The following RNGTT variants were observed in gnomAD, a reference collection of about 807,000 sequenced individuals.
RNGTT encodes the protein mRNA-capping enzyme.
A neutral mutation model predicts 79.3 loss-of-function variants in RNGTT; 33 were observed. The ratio of observed to expected loss-of-function variants is 0.42; its 90% confidence interval spans 0.32 to 0.56. The LOEUF (loss-of-function observed/expected upper bound fraction) is 0.56. RNGTT is among the 20% of genes least tolerant of loss of function. RNGTT has a pLI of 0.17. For synonymous variants in RNGTT, 222 were observed against 235.9 expected (o/e 0.94, Z 0.54); for missense variants, 497 against 739.1 (o/e 0.67, Z 3.80).
At chr6:88,859,161 A>G (rs938163349) in intron 8 of RNGTT, among the ~76,000 whole-genome samples, 2 of 151,734 alleles carry the variant, frequency 1.3e-5, no homozygotes, top group Admixed American at 1.3e-4. Flanking sequence ...TCAGTCTGAA[A>G]ATCTGTTTAA....
In RNGTT at chr6:88,844,444, T is replaced by A; in HGVS notation, c.1182A>T (p.Glu394Asp). 6.2e-7 allele frequency: 1 copy of A among 1,614,106 alleles called. No individual in the cohort carries two copies. The highest frequency in any genetic ancestry group is 8.5e-7 in the Non-Finnish European group (1 of 1,179,964). ...IEREIISPRHEKMKTGLIDKT... is the reference protein window; with the variant it reads ...IEREIISPRHDKMKTGLIDKT... ...TGTCAATGAGCCCAGTCTTCATTTT[T>A]TCGTGTCGAGGACTTATAATTTCTC... The change falls in exon 11 of 16, where the codon GAA (glutamate) becomes GAT (aspartate). Residue 394 changes from glutamate (E) to aspartate (D), a missense_variant. Coordinates refer to ENST00000369485, the MANE Select transcript of RNGTT (RefSeq NM_003800.5).
At chr6:88,781,568 G>T (rs1779065925) in intron 12 of RNGTT, among the ~76,000 whole-genome samples, 1 of 150,918 alleles carries the variant, frequency 6.6e-6, no homozygotes, top group Admixed American at 6.6e-5. Flanking sequence ...TCTTTTCACT[G>T]TTACACATTA....
chr6:88,918,776 C>G (rs1784076540), intron 4 of RNGTT, among the ~76,000 whole-genome samples: 1 of 152,142 alleles, frequency 6.6e-6, no homozygotes, highest in Non-Finnish European at 1.5e-5. Context: ...TGTATCTTAA[C>G]CCAACATGTA....
Position 88,611,426 on chromosome 6 carries a change from T to C in RNGTT, c.*1293A>G, listed in dbSNP as rs1049615191. On this transcript the variant is annotated 3_prime_UTR_variant, in exon 16 of 16. Coordinates refer to ENST00000369485, the MANE Select transcript of RNGTT (RefSeq NM_003800.5). ...GTTTTAAATACATTTACTTAAAACATGTACCTCTAAAAATAAATACACTAG... is the reference window on the plus strand; with the variant it reads ...GTTTTAAATACATTTACTTAAAACACGTACCTCTAAAAATAAATACACTAG... 2 of 152,658 alleles carry C rather than the reference T, an allele frequency of 1.3e-5. No homozygotes were observed. The highest frequency in any genetic ancestry group is 4.8e-5 in the African/African-American group (2 of 41,450). 9.5% of individuals were successfully genotyped at this position (152,658 alleles called of 1,614,324 possible). A position where few individuals can be genotyped will look rare whatever the true frequency, so the allele number is the denominator to read the frequency against.
chr6:88,794,349 T>G (rs1239492157), intron 12 of RNGTT, among the ~76,000 whole-genome samples: 1 of 152,176 alleles, frequency 6.6e-6, no homozygotes, highest in African/African-American at 2.4e-5. Flanking sequence ...TAAATTAGAT[T>G]ACACATATTC....
intron 8 of RNGTT, among the ~76,000 whole-genome samples, chr6:88,864,809 G>A (rs1317552100): frequency 6.6e-6 from 1 of 152,030 alleles, no homozygotes; most frequent in Non-Finnish European, 1.5e-5. Flanking sequence ...GAAACTTGAG[G>A]GCATTATGCT....
At chr6:88,868,023 G>C (rs546319222) in intron 8 of RNGTT, among the ~76,000 whole-genome samples, 2 of 152,216 alleles carry the variant, frequency 1.3e-5, no homozygotes, top group African/African-American at 4.8e-5. Flanking sequence ...TCTTCCTCCA[G>C]TCACATAAGT....
chr6:88,795,772 C>T (rs1277211439), intron 12 of RNGTT, among the ~76,000 whole-genome samples: 2 of 151,846 alleles, frequency 1.3e-5, no homozygotes, highest in Non-Finnish European at 2.9e-5. Flanking sequence ...AAGGGAAGAA[C>T]ATAAAAATAA....
chr6:88,907,588 A>AT (rs940462679), intron 4 of RNGTT, among the ~76,000 whole-genome samples: 10 of 152,158 alleles, frequency 6.6e-5, no homozygotes, highest in Non-Finnish European at 1.3e-4. Flanking sequence ...CTCGAGTAGT[A>AT]TCTTTATGTG....
intron 14 of RNGTT, among the ~76,000 whole-genome samples, chr6:88,640,216 T>C (rs931760107): frequency 6.6e-6 from 1 of 152,134 alleles, no homozygotes; most frequent in African/African-American, 2.4e-5. Context: ...AATGAGTGAA[T>C]GATGCATAAC....
intron 4 of RNGTT, among the ~76,000 whole-genome samples, chr6:88,915,447 T>A (rs1166493831): frequency 6.6e-6 from 1 of 152,146 alleles, no homozygotes; most frequent in African/African-American, 2.4e-5. Flanking sequence ...TAAAAAAGAA[T>A]GAAATCACAT....
At chr6:88,729,430 C>T (rs1292554308) in intron 13 of RNGTT, among the ~76,000 whole-genome samples, 1 of 151,702 alleles carries the variant, frequency 6.6e-6, no homozygotes, top group Non-Finnish European at 1.5e-5. Context: ...AAAGAAGCCC[C>T]TTATGGGTCT....
chr6:88,870,371 T>C (rs555585072), intron 8 of RNGTT, among the ~76,000 whole-genome samples: 1 of 152,126 alleles, frequency 6.6e-6, no homozygotes, highest in African/African-American at 2.4e-5. Flanking sequence ...ATATAAAAAT[T>C]ACTGTTCCTC....
intron 12 of RNGTT, among the ~76,000 whole-genome samples, chr6:88,774,052 T>G (rs1028761923): frequency 1.3e-5 from 2 of 152,094 alleles, no homozygotes; most frequent in African/African-American, 4.8e-5. Flanking sequence ...TGTTTGCAAA[T>G]TATACATCTG....
At chr6:88,961,390 T>C (rs1240559255) in intron 1 of RNGTT, among the ~76,000 whole-genome samples, 1 of 152,164 alleles carries the variant, frequency 6.6e-6, no homozygotes, top group African/African-American at 2.4e-5. Context: ...CTATTAGTTC[T>C]GTCCCTCTAG....
chr6:88,744,345 T>C (rs1307061768), intron 13 of RNGTT, among the ~76,000 whole-genome samples: 1 of 152,118 alleles, frequency 6.6e-6, no homozygotes, highest in Non-Finnish European at 1.5e-5. Context: ...CACTGCAACC[T>C]CCACCTCCCG....
intron 11 of RNGTT, among the ~76,000 whole-genome samples, chr6:88,809,104 T>C (rs1780053423): frequency 6.6e-6 from 1 of 152,074 alleles, no homozygotes; most frequent in African/African-American, 2.4e-5. Flanking sequence ...GCTATATTAA[T>C]ATAAGACAAT....
At chr6:88,836,023 C>CACACATATATATATAAGATTTACATATAT (rs1554222128) in intron 11 of RNGTT, among the ~76,000 whole-genome samples, 1 of 92,094 alleles carries the variant, frequency 1.1e-5, no homozygotes, top group African/African-American at 3.2e-5. Context: ...CACACACACA[C>CACACATATATATATAAGATTTACATATAT]ATATATATAT....
At chr6:88,616,305 A>G (rs1772215709) in intron 14 of RNGTT, among the ~76,000 whole-genome samples, 1 of 152,228 alleles carries the variant, frequency 6.6e-6, no homozygotes, top group Admixed American at 6.5e-5. Flanking sequence ...ATAATGTTGC[A>G]AAGAACGTGG....
Sources: gnomAD v4.1 joint callset for allele counts (sites outside exome capture counted in the v4.1 genomes callset) on GRCh38, gnomAD v4.1.1 for gene constraint, MANE v1.5 for transcripts, NCBI Gene and HGNC (gene_info 2026-07-23, HGNC 2026-07-21) for gene names.